The following SLC25A48 variants were observed in gnomAD, a reference collection of about 807,000 sequenced individuals.
SLC25A48 encodes CTC-321K16.1.
Under a neutral mutation model 32.2 loss-of-function variants are expected in SLC25A48, and 29 were observed. The ratio of observed to expected loss-of-function variants is 0.90; its 90% CI spans 0.67 to 1.23. The LOEUF is 1.23. Ranked by LOEUF, SLC25A48 falls within the 50% of genes most tolerant of loss-of-function variation. The probability of loss-of-function intolerance (pLI) is 0.00; values close to 1 mark genes in which losing one functional copy is unlikely to be tolerated. For missense variants in SLC25A48, 399 were observed against 422.7 expected (o/e 0.94, Z 0.49); for synonymous variants, 164 against 172.3 (o/e 0.95, Z 0.38).
chr5:135,599,194 A>T (rs1474224959), intron 1 of SLC25A48, among the ~76,000 whole-genome samples: 1 of 152,114 alleles, frequency 6.6e-6, no homozygotes, highest in South Asian at 2.1e-4. Context: ...TCAAGTCTTC[A>T]TCACACTCTT....
At chr5:135,870,309 C>T (rs1438123107) in intron 4 of SLC25A48, among the ~76,000 whole-genome samples, 1 of 152,142 alleles carries the variant, frequency 6.6e-6, no homozygotes, top group Non-Finnish European at 1.5e-5. Flanking sequence ...GAACAAGAGC[C>T]TACTTTATCT....
At chr5:135,689,052 G>A (rs1754083960) in intron 3 of SLC25A48, among the ~76,000 whole-genome samples, 2 of 152,136 alleles carry the variant, frequency 1.3e-5, no homozygotes, top group African/African-American at 4.8e-5. Flanking sequence ...ATAAGATCAA[G>A]GCTACATAGC....
intron 3 of SLC25A48, among the ~76,000 whole-genome samples, chr5:135,740,778 C>T (rs1321051365): frequency 6.6e-6 from 1 of 152,124 alleles, no homozygotes; most frequent in Non-Finnish European, 1.5e-5. Flanking sequence ...AGAAAAGCTG[C>T]CCCCCAGCCC....
chr5:135,654,810 C>T (rs916762186), intron 3 of SLC25A48, among the ~76,000 whole-genome samples: 1 of 152,230 alleles, frequency 6.6e-6, no homozygotes, highest in Non-Finnish European at 1.5e-5. Flanking sequence ...GAAAGTCTGC[C>T]TGTGGCCTGC....
intron 4 of SLC25A48, among the ~76,000 whole-genome samples, chr5:135,865,640 G>A (rs4246805): frequency 0.14 from 20,557 of 152,000 alleles, 1,802 homozygotes; most frequent in Middle Eastern, 0.2. Flanking sequence ...TATGGGACTC[G>A]GGCCATAGTG....
chr5:135,655,945 A>T (rs1209402165), intron 3 of SLC25A48, among the ~76,000 whole-genome samples: 1 of 152,114 alleles, frequency 6.6e-6, no homozygotes, highest in Non-Finnish European at 1.5e-5. Context: ...GTTCATCATT[A>T]TTCCCCACTG....
intron 4 of SLC25A48, among the ~76,000 whole-genome samples, chr5:135,861,251 A>C (rs896109478): frequency 2.0e-5 from 3 of 152,084 alleles, no homozygotes; most frequent in Non-Finnish European, 4.4e-5. Flanking sequence ...TAGCATATAA[A>C]ATTTTTTTAA....
chr5:135,596,574 G>A (rs1212106336), intron 1 of SLC25A48, among the ~76,000 whole-genome samples: 3 of 152,294 alleles, frequency 2.0e-5, no homozygotes, highest in South Asian at 4.1e-4. Context: ...TCACTGAGCC[G>A]GAGGGTGTAG....
chr5:135,818,678 A>G (rs1024531293), intron 4 of SLC25A48, among the ~76,000 whole-genome samples: 4 of 152,218 alleles, frequency 2.6e-5, no homozygotes, highest in Admixed American at 6.5e-5. Flanking sequence ...GTCTAGGACA[A>G]TCTAAAATTA....
chr5:135,812,240 A>G (rs1326256675), intron 3 of SLC25A48, among the ~76,000 whole-genome samples: 3 of 152,158 alleles, frequency 2.0e-5, no homozygotes, highest in Non-Finnish European at 4.4e-5. Flanking sequence ...ACAGGCATGC[A>G]ATTTGTAACA....
At chr5:135,852,493 C>T in intron 3 of SLC25A48, 70 bp from the exon 4 acceptor site, 1 of 1,530,686 alleles carries the variant, frequency 6.5e-7, no homozygotes, top group Non-Finnish European at 8.9e-7. Flanking sequence ...GTGGTGTACC[C>T]CGTCAGCCTG....
At chr5:135,678,852 G>A (rs1753828552) in intron 3 of SLC25A48, among the ~76,000 whole-genome samples, 1 of 152,188 alleles carries the variant, frequency 6.6e-6, no homozygotes, top group African/African-American at 2.4e-5. Context: ...GTTGTTAGTG[G>A]AGGCTGTGGT....
At chr5:135,654,589 G>A (rs1753198605) in intron 3 of SLC25A48, among the ~76,000 whole-genome samples, 1 of 152,218 alleles carries the variant, frequency 6.6e-6, no homozygotes, top group Non-Finnish European at 1.5e-5. Flanking sequence ...GGCAGGGCAA[G>A]GACAAACGAG....
chr5:135,713,104 C>A (rs770172953), intron 3 of SLC25A48, among the ~76,000 whole-genome samples: 6 of 152,178 alleles, frequency 3.9e-5, no homozygotes, highest in Non-Finnish European at 7.3e-5. Context: ...AATATATGTT[C>A]CCCAGGCCAG....
At chr5:135,883,518 C>G in intron 7 of SLC25A48, 1 of 974,566 alleles carries the variant, frequency 1.0e-6, no homozygotes, top group Non-Finnish European at 1.2e-6. Context: ...TGTCATTCCT[C>G]TCTCTCTGTT....
At chr5:135,706,609 G>A (rs1013576294) in intron 3 of SLC25A48, among the ~76,000 whole-genome samples, 6 of 152,176 alleles carry the variant, frequency 3.9e-5, no homozygotes, top group African/African-American at 1.4e-4. Context: ...AGCGTGGCAA[G>A]TACTGGATGT....
chr5:135,667,704 G>A (rs1753556502), intron 3 of SLC25A48, among the ~76,000 whole-genome samples: 1 of 152,166 alleles, frequency 6.6e-6, no homozygotes, highest in Non-Finnish European at 1.5e-5. Context: ...TTGGTTGACA[G>A]CATTTAGCAC....
chr5:135,828,153 T>G (rs1402361950), intron 4 of SLC25A48, among the ~76,000 whole-genome samples: 1 of 152,212 alleles, frequency 6.6e-6, no homozygotes. Flanking sequence ...AGGGAGTAGT[T>G]TGCAGGAAAG....
chr5:135,870,763 CATGT>C (rs960730881), intron 4 of SLC25A48, among the ~76,000 whole-genome samples: 13 of 152,216 alleles, frequency 8.5e-5, no homozygotes, highest in African/African-American at 3.1e-4. Context: ...GAACACTGTA[CATGT>C]ATTACCTTAT....
Sources: gnomAD v4.1 joint callset for allele counts (sites outside exome capture counted in the v4.1 genomes callset) on GRCh38, gnomAD v4.1.1 for gene constraint, MANE v1.5 for transcripts, NCBI Gene and HGNC (gene_info 2026-07-23, HGNC 2026-07-21) for gene names.